IGSF11: variants seen among roughly 807,000 people sequenced by gnomAD.
IGSF11 encodes the protein CXADR like 1.
In IGSF11, 22 loss-of-function variants were observed where a neutral mutation model predicts 41.0. That is an observed-to-expected ratio of 0.54 (90% CI 0.38 to 0.77). The LOEUF is 0.77. IGSF11 is among the 30% of genes least tolerant of loss of function. The pLI, the probability that IGSF11 is intolerant of heterozygous loss-of-function variation, is 0.00. For synonymous variants in IGSF11, 219 were observed against 201.3 expected, an observed-to-expected ratio of 1.09 and a Z score of -0.74; for missense variants, 444 against 530.8, an observed-to-expected ratio of 0.84 and a Z score of 1.61.
At chr3:119,043,279 C>T (rs1196335258) in intron 1 of IGSF11, among the ~76,000 whole-genome samples, 2 of 152,156 alleles carry the variant, frequency 1.3e-5, no homozygotes, top group African/African-American at 4.8e-5. Context: ...CATTTTCCCT[C>T]CCCCTGTGCT....
In IGSF11 at chr3:119,088,796, T is replaced by C. The variant is rs550848448; in HGVS notation, c.49+16348A>G. Reference sequence around the variant, plus strand: ...GATCCCACAGAAATACAAAAGATCCTCAGAGACTCCTATGAACAACTCTAG... The same window carrying C: ...GATCCCACAGAAATACAAAAGATCCCCAGAGACTCCTATGAACAACTCTAG... On this transcript the variant is annotated intron_variant, in intron 1 of 6. Coordinates refer to the IGSF11 transcript ENST00000354673. Among the ~76,000 whole-genome samples, 4 of 152,148 alleles carry C rather than the reference T, an allele frequency of 2.6e-5. No homozygotes were observed. The East Asian group carries it at 7.7e-4, about 29-fold the overall frequency.
chr3:119,039,693 ACCT>A (rs561764258), upstream of IGSF11, among the ~76,000 whole-genome samples: 117 of 151,830 alleles, frequency 7.7e-4, no homozygotes, highest in African/African-American at 2.6e-3. Flanking sequence ...CACCATAATG[ACCT>A]CCTCAATGTT....
intron 1 of IGSF11, among the ~76,000 whole-genome samples, chr3:119,065,150 T>C (rs1328033359): frequency 6.6e-6 from 1 of 152,234 alleles, no homozygotes; most frequent in Non-Finnish European, 1.5e-5. Context: ...TTTTAATAGA[T>C]ATATTTATCA....
Position 119,005,656 on chromosome 3 carries a change from C to T in IGSF11, c.52+28875G>A, listed in dbSNP as rs879637651. Among the ~76,000 whole-genome samples the T allele has an allele frequency of 2.0e-3, 228 of 111,696 alleles. 2 individuals carry two copies. The highest frequency in any genetic ancestry group is 3.2e-3 in the Non-Finnish European group (191 of 59,676). The allele number at this position is 111,696 out of a possible 152,430, so 73.3% of individuals were successfully genotyped here. ...CTTCAGGAGCTCTTTTAGGGCAGGC[C>T]TGGTGGTGACAAAATCTCTCAGCAT... On this transcript the variant is annotated intron_variant, in intron 1 of 6. Transcript: ENST00000393775.
At position 118,904,716 on chromosome 3, in the gene IGSF11, T is replaced by C. The variant is rs1174971180; in HGVS notation, c.786A>G (p.Leu262=). The change falls in exon 6 of 7, where the codon TTA becomes TTG. Residue 262 remains leucine (L), a synonymous_variant. Coordinates refer to ENST00000393775, the MANE Select transcript of IGSF11 (RefSeq NM_001015887.3). ...VIIIFCIALI[L]GAFFYWRSKN... is the part of the protein sequence containing the mutation. ...TGCTTCTCCAGTAAAAGAATGCCCC[T>C]AAAATTAGTGCAATGCAAAAAATGA... 1 of 1,613,240 alleles carries C rather than the reference T, an allele frequency of 6.2e-7. No individual in the cohort carries two copies. Among genetic ancestry groups the C allele is most frequent in the Non-Finnish European group, 8.5e-7 (1 of 1,179,322 alleles).
At chr3:119,005,356 T>G (rs1009344656) in intron 1 of IGSF11, among the ~76,000 whole-genome samples, 16 of 150,694 alleles carry the variant, frequency 1.1e-4, no homozygotes, top group African/African-American at 3.9e-4. Flanking sequence ...CCTATGTGTG[T>G]CTCTGCACGT....
intron 2 of IGSF11, among the ~76,000 whole-genome samples, chr3:118,929,177 A>G (rs1331653927): frequency 2.0e-5 from 3 of 152,216 alleles, no homozygotes; most frequent in Non-Finnish European, 4.4e-5. Flanking sequence ...GTCAGCCTCT[A>G]CTATCAAAGT....
intron 1 of IGSF11, among the ~76,000 whole-genome samples, chr3:119,012,191 G>T (rs755976867): frequency 6.6e-6 from 1 of 152,116 alleles, no homozygotes. Flanking sequence ...AAAGACAAGA[G>T]ATTGCCAGAG....
At chr3:119,057,450 C>T (rs1182761134) in intron 1 of IGSF11, among the ~76,000 whole-genome samples, 1 of 152,110 alleles carries the variant, frequency 6.6e-6, no homozygotes, top group Non-Finnish European at 1.5e-5. Flanking sequence ...GAACTACAAA[C>T]CACTGCTCAA....
At chr3:119,028,981 C>T (rs1396764523) in intron 1 of IGSF11, among the ~76,000 whole-genome samples, 1 of 151,768 alleles carries the variant, frequency 6.6e-6, no homozygotes, top group East Asian at 1.9e-4. Flanking sequence ...TGCATGGGAC[C>T]ACTCTGTACA....
chr3:119,107,375 T>A (rs559830130), upstream of IGSF11, among the ~76,000 whole-genome samples: 1 of 152,380 alleles, frequency 6.6e-6, no homozygotes, highest in Admixed American at 6.5e-5. Flanking sequence ...TTTGGCTGCA[T>A]AAATGTCTTC....
chr3:119,089,530 G>A (rs1334153972), intron 1 of IGSF11, among the ~76,000 whole-genome samples: 1 of 152,164 alleles, frequency 6.6e-6, no homozygotes, highest in Non-Finnish European at 1.5e-5. Flanking sequence ...AGACGAGGAT[G>A]CCCACTCTCA....
At chr3:118,941,499 ACT>A (rs1449658841) in intron 1 of IGSF11, among the ~76,000 whole-genome samples, 2 of 152,172 alleles carry the variant, frequency 1.3e-5, no homozygotes, top group African/African-American at 4.8e-5. Flanking sequence ...AGAACAACTA[ACT>A]CTCATACATT....
chr3:119,117,188 G>T (rs2077269067), intron 1 of IGSF11, among the ~76,000 whole-genome samples: 1 of 150,394 alleles, frequency 6.6e-6, no homozygotes, highest in African/African-American at 2.5e-5. Flanking sequence ...AACACAAACT[G>T]GAAGTTATCA....
chr3:119,129,163 G>T (rs1013604957), intron 1 of IGSF11, among the ~76,000 whole-genome samples: 1 of 152,116 alleles, frequency 6.6e-6, no homozygotes, highest in Admixed American at 6.6e-5. Context: ...CTGTTGTGGG[G>T]TGGGGGTGAG....
chr3:119,085,102 A>G (rs528940750), intron 1 of IGSF11, among the ~76,000 whole-genome samples: 1 of 152,320 alleles, frequency 6.6e-6, no homozygotes, highest in South Asian at 2.1e-4. Context: ...GCACATTGCC[A>G]ATGATGGGAG....
At chr3:118,922,355 A>G (rs1263262441) in intron 4 of IGSF11, among the ~76,000 whole-genome samples, 1 of 152,096 alleles carries the variant, frequency 6.6e-6, no homozygotes, top group Non-Finnish European at 1.5e-5. Flanking sequence ...TATACTGTGA[A>G]AAGATTACCA....
chr3:119,070,764 G>A (rs971070577), intron 1 of IGSF11, among the ~76,000 whole-genome samples: 1 of 152,144 alleles, frequency 6.6e-6, no homozygotes, highest in African/African-American at 2.4e-5. Context: ...TCAGGATGCT[G>A]TGCCATTTCT....
intron 1 of IGSF11, among the ~76,000 whole-genome samples, chr3:119,013,596 G>A (rs977244690): frequency 6.6e-6 from 1 of 152,188 alleles, no homozygotes; most frequent in South Asian, 2.1e-4. Flanking sequence ...ATTAGACATC[G>A]ACTAATAAAT....
Sources: allele counts gnomAD v4.1 joint callset (sites outside exome capture counted in the v4.1 genomes callset), GRCh38; gene constraint gnomAD v4.1.1; transcripts MANE v1.5; gene names NCBI Gene and HGNC (gene_info 2026-07-23, HGNC 2026-07-21).